The following MMS22L variants were observed in gnomAD, a reference collection of about 807,000 sequenced individuals.
The protein encoded by MMS22L is protein MMS22-like.
A neutral mutation model predicts 159.1 loss-of-function variants in MMS22L; 74 were observed. The ratio of observed to expected loss-of-function variants is 0.47; its 90% CI spans 0.39 to 0.56. The LOEUF is 0.56. MMS22L is among the 20% of genes least tolerant of loss of function. The pLI is 0.00. For missense variants in MMS22L, 1,351 were observed against 1,422.1 expected, an observed-to-expected ratio of 0.95 and a Z score of 0.80; for synonymous variants, 517 against 506.9, an observed-to-expected ratio of 1.02 and a Z score of -0.27.
intron 18 of MMS22L, among the ~76,000 whole-genome samples, chr6:97,174,572 G>C (rs1254406233): frequency 6.6e-6 from 1 of 152,160 alleles, no homozygotes; most frequent in Non-Finnish European, 1.5e-5. Context: ...AGGGAAGGAA[G>C]TGAGGCCTTG....
At chr6:97,214,394 T>C (rs570552148) in intron 14 of MMS22L, among the ~76,000 whole-genome samples, 1 of 152,210 alleles carries the variant, frequency 6.6e-6, no homozygotes, top group African/African-American at 2.4e-5. Context: ...TGGAAAGTTG[T>C]TGATGATATA....
intron 24 of MMS22L, among the ~76,000 whole-genome samples, chr6:97,148,921 T>C (rs1167044525): frequency 6.6e-6 from 1 of 151,976 alleles, no homozygotes; most frequent in African/African-American, 2.4e-5. Context: ...CCTATATAGG[T>C]ATACCATTTT....
At chr6:97,217,114 T>A (rs1296554819) in intron 14 of MMS22L, among the ~76,000 whole-genome samples, 1 of 152,204 alleles carries the variant, frequency 6.6e-6, no homozygotes, top group African/African-American at 2.4e-5. Flanking sequence ...CCTAGAAAAA[T>A]CATATTACTG....
At chr6:97,170,395 A>G (rs1214766943) in intron 19 of MMS22L, among the ~76,000 whole-genome samples, 2 of 152,126 alleles carry the variant, frequency 1.3e-5, no homozygotes, top group Non-Finnish European at 1.5e-5. Flanking sequence ...ATGGAAATAT[A>G]AAAAGATTTT....
intron 9 of MMS22L, chr6:97,262,106 T>A (rs1307742622): frequency 6.6e-6 from 1 of 152,198 alleles, no homozygotes; most frequent in Non-Finnish European, 1.5e-5. Context: ...GTTTTATGGA[T>A]AACTGGTGTA....
intron 11 of MMS22L, chr6:97,246,236 G>C (rs1274038467): frequency 1.6e-5 from 7 of 427,194 alleles, no homozygotes; most frequent in Non-Finnish European, 2.7e-5. Flanking sequence ...ATTCAAGCCT[G>C]TAAGACAAAT....
intron 14 of MMS22L, among the ~76,000 whole-genome samples, chr6:97,211,605 C>G (rs1376141775): frequency 1.3e-5 from 2 of 152,076 alleles, no homozygotes; most frequent in East Asian, 1.9e-4. Context: ...TTAAAATGCA[C>G]AAAGCAATAC....
intron 18 of MMS22L, 116 bp from the exon 19 acceptor site, chr6:97,173,338 A>T: frequency 1.2e-6 from 1 of 867,552 alleles, no homozygotes. Flanking sequence ...TTTACATTTA[A>T]GCCTTCATTT....
chr6:97,247,457 G>A (rs1275048153), intron 10 of MMS22L, among the ~76,000 whole-genome samples: 1 of 152,148 alleles, frequency 6.6e-6, no homozygotes, highest in African/African-American at 2.4e-5. Context: ...GGCCAGGAGC[G>A]ATGGCTCACA....
intron 24 of MMS22L, among the ~76,000 whole-genome samples, chr6:97,148,709 TAAA>T (rs1801037614): frequency 6.6e-6 from 1 of 151,820 alleles, no homozygotes; most frequent in South Asian, 2.1e-4. Context: ...GTTTAAAAGG[TAAA>T]AAAGAGTAAG....
chr6:97,244,045 T>TC (rs1812369444), intron 11 of MMS22L, among the ~76,000 whole-genome samples: 1 of 152,190 alleles, frequency 6.6e-6, no homozygotes, highest in African/African-American at 2.4e-5. Flanking sequence ...TGAATGCTGG[T>TC]TATGCTAGCA....
At chr6:97,221,873 T>C (rs1809694799) in intron 14 of MMS22L, among the ~76,000 whole-genome samples, 1 of 152,070 alleles carries the variant, frequency 6.6e-6, no homozygotes, top group African/African-American at 2.4e-5. Context: ...AAATAACTCA[T>C]TTGATTAAAA....
At chr6:97,248,626 G>A (rs760398319) in intron 10 of MMS22L, among the ~76,000 whole-genome samples, 1 of 152,114 alleles carries the variant, frequency 6.6e-6, no homozygotes, top group Non-Finnish European at 1.5e-5. Context: ...TTGGGAGGCC[G>A]AAGCAGGCAG....
At chr6:97,223,364 C>CA (rs1416189890) in intron 14 of MMS22L, among the ~76,000 whole-genome samples, 1 of 152,036 alleles carries the variant, frequency 6.6e-6, no homozygotes, top group Non-Finnish European at 1.5e-5. Context: ...TTTCCCTTGT[C>CA]AGAGATGCAG....
At chr6:97,147,781 C>CA (rs752198965) in intron 24 of MMS22L, among the ~76,000 whole-genome samples, 1 of 152,134 alleles carries the variant, frequency 6.6e-6, no homozygotes, top group Non-Finnish European at 1.5e-5. Flanking sequence ...TTCTGGCATA[C>CA]AAAAGCTTTA....
At chr6:97,150,287 G>C (rs559045760) in intron 23 of MMS22L, among the ~76,000 whole-genome samples, 2 of 151,978 alleles carry the variant, frequency 1.3e-5, no homozygotes, top group African/African-American at 4.8e-5. Context: ...GGAGAAGAAG[G>C]GGTAAAAATC....
chr6:97,269,801 T>C (rs2128088363), intron 7 of MMS22L, 101 bp downstream of exon 7: 1 of 735,736 alleles, frequency 1.4e-6, no homozygotes, highest in Non-Finnish European at 2.1e-6. Context: ...TACTATTTGA[T>C]TTTTTTTTAA....
chr6:97,208,424 C>A (rs1808020436), intron 14 of MMS22L, among the ~76,000 whole-genome samples: 1 of 151,918 alleles, frequency 6.6e-6, no homozygotes, highest in South Asian at 2.1e-4. Flanking sequence ...ATGAATAAGA[C>A]AAATTCCCGG....
At chr6:97,233,109 T>A (rs1811042372) in intron 12 of MMS22L, among the ~76,000 whole-genome samples, 1 of 151,664 alleles carries the variant, frequency 6.6e-6, no homozygotes, top group African/African-American at 2.4e-5. Context: ...CTAAGTCACA[T>A]CCTCGCTATT....
Sources: allele counts gnomAD v4.1 joint callset (sites outside exome capture counted in the v4.1 genomes callset), GRCh38; gene constraint gnomAD v4.1.1; transcripts MANE v1.5; gene names NCBI Gene and HGNC (gene_info 2026-07-23, HGNC 2026-07-21).